The following SIN3B variants were observed in gnomAD, a reference collection of about 807,000 sequenced individuals.
The protein encoded by SIN3B is paired amphipathic helix protein Sin3b.
In SIN3B, 19 loss-of-function variants were observed where a neutral mutation model predicts 120.2. The observed-to-expected ratio is 0.16, with a 90% CI of 0.11 to 0.23. The LOEUF (loss-of-function observed/expected upper bound fraction) is 0.23, where lower values mean the gene tolerates loss of function less well. Ranked by LOEUF, SIN3B falls within the 10% of genes least tolerant of loss-of-function variation. The pLI is 1.00. For synonymous variants in SIN3B, 654 were observed against 653.2 expected (o/e 1.00, Z -0.02); for missense variants, 1,073 against 1,573.0 (o/e 0.68, Z 5.38).
intron 13 of SIN3B, among the ~76,000 whole-genome samples, chr19:16,870,716 AT>A (rs34452201): frequency 0.77 from 116,012 of 151,128 alleles, 44,808 homozygotes; most frequent in Middle Eastern, 0.85. Flanking sequence ...ATGTCCGGTT[AT>A]TTTTTTTTTG....
chr19:16,861,661 G>A (rs1971689698), intron 8 of SIN3B, among the ~76,000 whole-genome samples: 1 of 151,984 alleles, frequency 6.6e-6, no homozygotes, highest in Admixed American at 6.6e-5. Context: ...TACTCAGAAA[G>A]CTGAGACAGG....
intron 3 of SIN3B, among the ~76,000 whole-genome samples, chr19:16,835,016 T>A (rs1971328581): frequency 6.6e-6 from 1 of 150,614 alleles, no homozygotes; most frequent in African/African-American, 2.4e-5. Flanking sequence ...ATCCTCTGCC[T>A]CCCCAGTTCA....
rs558846090 is a variant in SIN3B at position 16,863,885 on chromosome 19, A to G, written c.1383+89A>G. 5 of 914,332 alleles carry G rather than the reference A, an allele frequency of 5.5e-6. No homozygotes were observed. The African/African-American group carries it at 6.5e-5, about 12-fold the overall frequency. The allele number at this position is 914,332 out of a possible 1,614,324, so 56.6% of individuals were successfully genotyped here. A position where few individuals can be genotyped will look rare whatever the true frequency, so the allele number is the denominator to read the frequency against. Reference sequence around the variant, plus strand: ...CATCCTGATCCTCCTCCACTGCCCCAGTCTCGTTTGGAGGAGCAGGAATTG... The same window carrying G: ...CATCCTGATCCTCCTCCACTGCCCCGGTCTCGTTTGGAGGAGCAGGAATTG... On this transcript the variant is annotated intron_variant, in intron 10 of 18. Transcript: ENST00000248054.
At chr19:16,838,970 CTTTTTTTTTT>C (rs34648986) in intron 3 of SIN3B, among the ~76,000 whole-genome samples, 1 of 86,600 alleles carries the variant, frequency 1.2e-5, no homozygotes, top group African/African-American at 4.9e-5. Context: ...CCGCGCCTGG[CTTTTTTTTTT>C]TTTTTTTTTT....
At chr19:16,856,516 G>T (rs1971616503) in intron 8 of SIN3B, among the ~76,000 whole-genome samples, 1 of 152,044 alleles carries the variant, frequency 6.6e-6, no homozygotes, top group African/African-American at 2.4e-5. Flanking sequence ...AATGATGTAA[G>T]TCACAAACTT....
chr19:16,871,546 A>G, intron 14 of SIN3B, 148 bp downstream of exon 14: 1 of 706,570 alleles, frequency 1.4e-6, no homozygotes, highest in Non-Finnish European at 2.3e-6. Context: ...ATAACGTAAA[A>G]TTAACCATTT....
chr19:16,835,527 A>AT (rs1325158456), intron 3 of SIN3B, among the ~76,000 whole-genome samples: 3 of 108,670 alleles, frequency 2.8e-5, no homozygotes, highest in Non-Finnish European at 3.7e-5. Flanking sequence ...TAATTGAATT[A>AT]TTTTTTAATT....
chr19:16,856,493 T>C (rs1327295461), intron 8 of SIN3B, among the ~76,000 whole-genome samples: 4 of 152,178 alleles, frequency 2.6e-5, no homozygotes, highest in African/African-American at 4.8e-5. Flanking sequence ...AGACGATTTT[T>C]TCGGCAGAAG....
chr19:16,853,586 A>T (rs1971572295), intron 7 of SIN3B, among the ~76,000 whole-genome samples: 1 of 151,754 alleles, frequency 6.6e-6, no homozygotes, highest in African/African-American at 2.4e-5. Context: ...GGCTGTGTGA[A>T]TTGCTGCATG....
chr19:16,876,643 C>A lies in SIN3B; in HGVS notation c.2859+65C>A. The A allele has an allele frequency of 7.6e-7, 1 of 1,309,340 alleles. No homozygotes were observed. Among genetic ancestry groups the A allele is most frequent in the Non-Finnish European group, 1.1e-6 (1 of 917,230 alleles). The allele number at this position is 1,309,340 out of a possible 1,614,324, so 81.1% of individuals were successfully genotyped here. On this transcript the variant is annotated intron_variant, in intron 16 of 18. Coordinates refer to ENST00000248054, the MANE Select transcript of SIN3B (RefSeq NM_001297595.2). The surrounding 1 kb of genome is among the most constrained non-coding windows in gnomAD (Gnocchi z 7.1). ...AGCGCCTGAGGGCAGCAGCATGGGG[C>A]TCCCACCAGCCAAGCGCAGGCCGCG...
intron 3 of SIN3B, among the ~76,000 whole-genome samples, chr19:16,836,994 G>C (rs1045737633): frequency 3.9e-5 from 6 of 152,134 alleles, no homozygotes; most frequent in Non-Finnish European, 5.9e-5. Context: ...CAGTCAAGGT[G>C]GGGGGTCCGA....
Position 16,876,654 on chromosome 19 carries a change from C to A in SIN3B, c.2859+76C>A. On this transcript the variant is annotated intron_variant, in intron 16 of 18. Transcript: ENST00000248054. The surrounding 1 kb of genome is among the most constrained non-coding windows in gnomAD (Gnocchi z 7.1). ...GCAGCAGCATGGGGCTCCCACCAGCCAAGCGCAGGCCGCGCAGCATCCAGA... is the reference window on the plus strand; with the variant it reads ...GCAGCAGCATGGGGCTCCCACCAGCAAAGCGCAGGCCGCGCAGCATCCAGA... 8.6e-7 allele frequency: 1 copy of A among 1,169,210 alleles called. No homozygotes were observed. The highest frequency in any genetic ancestry group is 1.3e-6 in the Non-Finnish European group (1 of 796,298). 72.4% of individuals were successfully genotyped at this position (1,169,210 alleles called of 1,614,324 possible).
chr19:16,835,821 T>A (rs986788570), intron 3 of SIN3B, among the ~76,000 whole-genome samples: 1 of 152,070 alleles, frequency 6.6e-6, no homozygotes, highest in Non-Finnish European at 1.5e-5. Context: ...GCCTGGCCTT[T>A]TTTACATTTT....
intron 13 of SIN3B, among the ~76,000 whole-genome samples, chr19:16,870,574 A>G (rs2051497664): frequency 6.6e-6 from 1 of 151,074 alleles, no homozygotes; most frequent in South Asian, 2.1e-4. Flanking sequence ...CTTTTTTGAA[A>G]TGGAGTCTTG....
At chr19:16,874,800 GTCTGA>G (rs1045331413) in intron 14 of SIN3B, among the ~76,000 whole-genome samples, 16 of 151,774 alleles carry the variant, frequency 1.1e-4, no homozygotes, top group African/African-American at 3.6e-4. Flanking sequence ...GTGTGGTTTG[GTCTGA>G]TCTGATCTGG....
intron 3 of SIN3B, among the ~76,000 whole-genome samples, chr19:16,834,921 TC>T: frequency 6.6e-6 from 1 of 151,230 alleles, no homozygotes; most frequent in African/African-American, 2.4e-5. Flanking sequence ...TTCTTTTCTT[TC>T]TTTTTTTTTT....
At chr19:16,873,960 G>A (rs971192236) in intron 14 of SIN3B, among the ~76,000 whole-genome samples, 7 of 152,226 alleles carry the variant, frequency 4.6e-5, no homozygotes, top group Admixed American at 2.6e-4. Context: ...AAACCTATGC[G>A]TGTCCAGGTG....
intron 7 of SIN3B, among the ~76,000 whole-genome samples, chr19:16,853,642 G>A (rs1971573381): frequency 6.6e-6 from 1 of 151,906 alleles, no homozygotes; most frequent in Non-Finnish European, 1.5e-5. Context: ...TGGCATGCAT[G>A]GGCTGTGAAT....
In SIN3B at chr19:16,869,924, G is replaced by C. The variant is rs766795332; in HGVS notation, c.2271G>C (p.Gln757His). The change falls in exon 13 of 19, where the codon CAG becomes CAC. Residue 757 changes from glutamine to histidine, a missense_variant. Transcript: ENST00000248054. ...NNWYFFLRLH[Q>H]TLCSRLLKIY... ...GGTACTTCTTCCTGCGCCTGCACCA[G>C]ACCCTGTGCTCCAGGCTGCTGAAGA... is the stretch of plus-strand genomic sequence containing the variant. 17 of 1,614,120 alleles carry C rather than the reference G, an allele frequency of 1.1e-5. No homozygotes were observed. The highest frequency in any genetic ancestry group is 1.4e-5 in the Non-Finnish European group (17 of 1,180,050).
Sources: allele counts gnomAD v4.1 joint callset (sites outside exome capture counted in the v4.1 genomes callset), GRCh38; gene constraint gnomAD v4.1.1; non-coding constraint Gnocchi (gnomAD v3.1); transcripts MANE v1.5; gene names NCBI Gene and HGNC (gene_info 2026-07-23, HGNC 2026-07-21).